Variants in BOLL observed in about 807,000 individuals in gnomAD.
The protein encoded by BOLL is boule RNA binding protein, also known as protein boule-like.
In BOLL, 23 loss-of-function variants were observed where a neutral mutation model predicts 44.4. The observed-to-expected ratio is 0.52, with a 90% CI of 0.37 to 0.73. The LOEUF (loss-of-function observed/expected upper bound fraction) is 0.73. Ranked by LOEUF, BOLL falls within the 30% of genes least tolerant of loss-of-function variation. The pLI is 0.00. For missense variants in BOLL, 287 were observed against 338.3 expected, an observed-to-expected ratio of 0.85 and a Z score of 1.19; for synonymous variants, 97 against 110.8, an observed-to-expected ratio of 0.88 and a Z score of 0.78.
intron 9 of BOLL, among the ~76,000 whole-genome samples, chr2:197,746,899 G>GGAAA (rs1559398207): frequency 1.1e-5 from 1 of 94,106 alleles, no homozygotes; most frequent in Non-Finnish European, 2.1e-5. Context: ...ACTCTGTCTC[G>GGAAA]AAAAAAAAAA....
intron 10 of BOLL, among the ~76,000 whole-genome samples, chr2:197,733,476 G>A (rs533861286): frequency 9.7e-4 from 147 of 151,464 alleles, no homozygotes; most frequent in African/African-American, 3.3e-3. Flanking sequence ...AAGTTCATAT[G>A]GAACCAAAAA....
chr2:197,778,966 G>A lies in BOLL; in HGVS notation c.221+9C>T. On this transcript the variant is annotated intron_variant, in intron 3 of 10. Transcript: ENST00000392296. ...GCTAATTCCATAGACAATCTATAGT[G>A]ATACTAACCCTTTGGATACTCCAGC... The A allele has an allele frequency of 6.3e-7, 1 of 1,598,910 alleles. No individual in the cohort carries two copies. Among genetic ancestry groups the A allele is most frequent in the Non-Finnish European group, 8.6e-7 (1 of 1,169,122 alleles).
intron 10 of BOLL, 50 bp downstream of exon 10, chr2:197,743,011 G>T: frequency 7.1e-7 from 1 of 1,405,122 alleles, no homozygotes; most frequent in South Asian, 1.4e-5. Context: ...TGGAAAACTT[G>T]AAATATGATG....
At position 197,785,189 on chromosome 2, in the gene BOLL, A is replaced by G; in HGVS notation, c.-149T>C. Reference sequence around the variant, plus strand: ...AACTTGGGCACCGAAACGAGGATCCACCCCCTCCCCACCAAAGTGCGGGAG... The same window carrying G: ...AACTTGGGCACCGAAACGAGGATCCGCCCCCTCCCCACCAAAGTGCGGGAG... On this transcript the variant is annotated 5_prime_UTR_variant, in exon 1 of 11. Coordinates refer to ENST00000392296, the MANE Select transcript of BOLL (RefSeq NM_033030.6). The surrounding 1 kb of genome is among the most constrained non-coding windows in gnomAD (Gnocchi z 6.7). 1.0e-6 allele frequency: 1 copy of G among 985,634 alleles called. No homozygotes were observed. The highest frequency in any genetic ancestry group is 1.2e-6 in the Non-Finnish European group (1 of 829,862). The allele number at this position is 985,634 out of a possible 1,614,324, so 61.1% of individuals were successfully genotyped here. A position where few individuals can be genotyped will look rare whatever the true frequency, so the allele number is the denominator to read the frequency against.
At chr2:197,756,249 C>T (rs188249218) in intron 9 of BOLL, among the ~76,000 whole-genome samples, 179 bp downstream of exon 9, 135 of 151,452 alleles carry the variant, frequency 8.9e-4, no homozygotes, top group African/African-American at 3.0e-3. Context: ...AACTAGTTAG[C>T]GAAAAAGTCT....
chr2:197,758,023 G>A (rs937969188), intron 7 of BOLL, among the ~76,000 whole-genome samples: 6 of 152,152 alleles, frequency 3.9e-5, no homozygotes, highest in African/African-American at 7.2e-5. Flanking sequence ...TGACGGGCAC[G>A]TGGAGAAATT....
rs1257466000 is a variant in BOLL, at chr2:197,773,867, TG to T, written c.352+1797del. The T allele has an allele frequency of 1.4e-5, 4 of 296,266 alleles. No individual in the cohort carries two copies. In the Admixed American group the frequency reaches 2.1e-4, roughly 15 times the overall value. 18.4% of individuals were successfully genotyped at this position (296,266 alleles called of 1,614,324 possible). ...TTGGATTCAGAGAGACCACTTAGGA[TG>T]TTTTTCCAGGAATTAAGGTAAACAA... On this transcript the variant is annotated intron_variant, in intron 5 of 10. Transcript: ENST00000392296.
rs537182692 is a variant in BOLL at position 197,728,431 on chromosome 2, G to A, written c.*124C>T. The A allele has an allele frequency of 2.1e-6, 3 of 1,427,854 alleles. No individual in the cohort carries two copies. The African/African-American group carries it at 4.2e-5, about 20-fold the overall frequency. The allele number at this position is 1,427,854 out of a possible 1,614,324, so 88.4% of individuals were successfully genotyped here. On this transcript the variant is annotated 3_prime_UTR_variant, in exon 11 of 11. Coordinates refer to ENST00000392296, the MANE Select transcript of BOLL (RefSeq NM_033030.6). ...TAGTGGAATAACTGAGTATGGTGAGGTATTAACTAACACTAAGTTTCACAA... is the reference window on the plus strand; with the variant it reads ...TAGTGGAATAACTGAGTATGGTGAGATATTAACTAACACTAAGTTTCACAA...
At chr2:197,773,278 T>G (rs1689347131) in intron 5 of BOLL, among the ~76,000 whole-genome samples, 1 of 151,864 alleles carries the variant, frequency 6.6e-6, no homozygotes, top group South Asian at 2.1e-4. Context: ...TGGTTCATTA[T>G]TCAAAGAAAA....
intron 3 of BOLL, among the ~76,000 whole-genome samples, chr2:197,778,373 T>A (rs1378445113): frequency 6.6e-6 from 1 of 151,934 alleles, no homozygotes; most frequent in Non-Finnish European, 1.5e-5. Context: ...CTTAAGTGAG[T>A]GTACTATGTA....
chr2:197,757,177 A>G (rs898356139), intron 8 of BOLL, among the ~76,000 whole-genome samples, 176 bp downstream of exon 8: 5 of 152,144 alleles, frequency 3.3e-5, no homozygotes, highest in Non-Finnish European at 2.9e-5. Context: ...TTACAAAGGT[A>G]TAGTATCATT....
At chr2:197,766,196 T>C (rs1286922497) in intron 7 of BOLL, among the ~76,000 whole-genome samples, 1 of 152,132 alleles carries the variant, frequency 6.6e-6, no homozygotes, top group Non-Finnish European at 1.5e-5. Context: ...TCTGGCTATA[T>C]ACCCAGTAAC....
chr2:197,729,374 A>G (rs1445970889), intron 10 of BOLL, among the ~76,000 whole-genome samples: 2 of 152,172 alleles, frequency 1.3e-5, no homozygotes, highest in African/African-American at 4.8e-5. Context: ...GCAAGGCGGC[A>G]GCGAGGCTGG....
intron 3 of BOLL, 69 bp downstream of exon 3, chr2:197,778,906 C>T (rs575177834): frequency 2.1e-5 from 27 of 1,316,600 alleles, no homozygotes; most frequent in Admixed American, 1.6e-4. Context: ...AGTAAACTGG[C>T]GTACAAAACC....
At chr2:197,780,898 G>A in intron 2 of BOLL, among the ~76,000 whole-genome samples, 1 of 151,840 alleles carries the variant, frequency 6.6e-6, no homozygotes, top group East Asian at 1.9e-4. Flanking sequence ...AAATATCTAT[G>A]CATGCCTTTC....
chr2:197,748,304 C>A (rs1040222814), intron 9 of BOLL, among the ~76,000 whole-genome samples: 1 of 152,206 alleles, frequency 6.6e-6, no homozygotes, highest in Non-Finnish European at 1.5e-5. Flanking sequence ...AAACTGGGTG[C>A]CCATTTGGGC....
At chr2:197,766,803 T>C (rs1216848858) in intron 6 of BOLL, among the ~76,000 whole-genome samples, 200 bp from the exon 7 acceptor site, 1 of 152,076 alleles carries the variant, frequency 6.6e-6, no homozygotes, top group Non-Finnish European at 1.5e-5. Context: ...CTACGTGGTT[T>C]CATTTCCATA....
chr2:197,743,201 T>C, intron 9 of BOLL, 42 bp from the exon 10 acceptor site: 1 of 1,419,814 alleles, frequency 7.0e-7, no homozygotes, highest in Non-Finnish European at 9.7e-7. Context: ...CTTTCATCTA[T>C]TAATTCTAAA....
In BOLL at chr2:197,743,060, C is replaced by A; in HGVS notation, c.828+1G>T. ...GTAAAAAGTCAAAACAAATTTCTTA[C>A]TTTAATTGGCTCAGGCTGCATCACA... On this transcript the variant is annotated splice_donor_variant, in intron 10 of 10. Transcript: ENST00000392296. LOFTEE classifies it high-confidence loss of function. 1 of 1,558,118 alleles carries A rather than the reference C, an allele frequency of 6.4e-7. No individual in the cohort carries two copies. Among genetic ancestry groups the A allele is most frequent in the Non-Finnish European group, 8.7e-7 (1 of 1,154,884 alleles).
Sources: gnomAD v4.1 joint callset for allele counts (sites outside exome capture counted in the v4.1 genomes callset) on GRCh38, gnomAD v4.1.1 for gene constraint, Gnocchi (gnomAD v3.1) non-coding constraint, MANE v1.5 for transcripts, NCBI Gene and HGNC (gene_info 2026-07-23, HGNC 2026-07-21) for gene names.